The following SEPTIN9 variants were observed in gnomAD, a reference collection of about 807,000 sequenced individuals.
SEPTIN9 encodes septin-9.
In SEPTIN9, 13 loss-of-function variants were observed where a neutral mutation model predicts 56.6. The ratio of observed to expected loss-of-function variants is 0.23; its 90% CI spans 0.15 to 0.37. The LOEUF (loss-of-function observed/expected upper bound fraction) is 0.37. SEPTIN9 is among the 10% of genes least tolerant of loss of function. The probability of loss-of-function intolerance (pLI) is 1.00; values close to 1 mark genes in which losing one functional copy is unlikely to be tolerated. For synonymous variants in SEPTIN9, 332 were observed against 334.1 expected (o/e 0.99, Z 0.07); for missense variants, 650 against 823.1 (o/e 0.79, Z 2.57).
chr17:77,498,955 A>AGTGTGT lies in SEPTIN9; in HGVS notation c.*298_*299insTGTGTG, dbSNP rs1216249175. ...GCCTGGCTCCCCGAGGGCTCAGAAG[A>AGTGTGT]GCAGCTTCGGTGTGCAGATCATCCG... On this transcript the variant is annotated 3_prime_UTR_variant, in exon 12 of 12. Coordinates refer to ENST00000427177, the MANE Select transcript of SEPTIN9 (RefSeq NM_001113491.2). 1.8e-6 allele frequency: 1 copy of AGTGTGT among 551,808 alleles called. No homozygotes were observed. The highest frequency in any genetic ancestry group is 1.5e-5 in the South Asian group (1 of 65,390). The allele number at this position is 551,808 out of a possible 1,614,324, so 34.2% of individuals were successfully genotyped here.
intron 2 of SEPTIN9, among the ~76,000 whole-genome samples, chr17:77,349,461 A>T (rs1156477842): frequency 1.3e-5 from 2 of 152,146 alleles, no homozygotes; most frequent in African/African-American, 2.4e-5. Flanking sequence ...TAGAATTCTG[A>T]GTTGTCAGTT....
At chr17:77,414,572 CTTTTTTTT>C (rs559525322) in intron 3 of SEPTIN9, among the ~76,000 whole-genome samples, 46,640 of 123,590 alleles carry the variant, frequency 0.38, 7,974 homozygotes, top group Middle Eastern at 0.42. Flanking sequence ...TGTGTGGATT[CTTTTTTTT>C]TTTTTTTTTT....
intron 3 of SEPTIN9, among the ~76,000 whole-genome samples, chr17:77,422,922 C>T (rs1439351434): frequency 6.6e-6 from 1 of 152,142 alleles, no homozygotes; most frequent in East Asian, 1.9e-4. Flanking sequence ...TGCTGTAAAC[C>T]CCTCGTCCCC....
intron 3 of SEPTIN9, among the ~76,000 whole-genome samples, chr17:77,422,214 CT>C (rs1213044719): frequency 2.0e-5 from 3 of 152,196 alleles, no homozygotes; most frequent in Admixed American, 6.5e-5. Flanking sequence ...GGGCCTCAGC[CT>C]TATGTGTTCT....
rs2037271143 is a variant in SEPTIN9, at chr17:77,434,591, G to A, written c.721+31888G>A. 6.6e-6 allele frequency among the ~76,000 whole-genome samples: 1 copy of A among 152,184 alleles called. No individual in the cohort carries two copies. The highest frequency in any genetic ancestry group is 2.4e-5 in the African/African-American group (1 of 41,442). ...TGTGGGCTGCAGGTAGTCCCCTGTG[G>A]TTGAAGGTGCCCTGGCAGGACCTGC... On this transcript the variant is annotated intron_variant, in intron 3 of 11. Coordinates refer to ENST00000427177, the MANE Select transcript of SEPTIN9 (RefSeq NM_001113491.2). This position sits in a 1 kb window ranked among gnomAD's most constrained non-coding sequence, Gnocchi z 5.0.
intron 2 of SEPTIN9, among the ~76,000 whole-genome samples, chr17:77,311,230 C>G (rs8068778): frequency 0.67 from 85,075 of 127,586 alleles, 28,271 homozygotes; most frequent in Middle Eastern, 0.81. Flanking sequence ...ACCCCCCCCC[C>G]ACCCCACCCC....
intron 3 of SEPTIN9, among the ~76,000 whole-genome samples, chr17:77,432,324 C>T (rs536763436): frequency 3.7e-4 from 56 of 152,104 alleles, no homozygotes; most frequent in Non-Finnish European, 6.5e-4. Flanking sequence ...TCAGTGCTGC[C>T]GTTGGCATCG....
chr17:77,497,518 C>T (rs960030049), intron 11 of SEPTIN9, 152 bp downstream of exon 11: 5 of 701,554 alleles, frequency 7.1e-6, no homozygotes, highest in Non-Finnish European at 1.3e-5. Flanking sequence ...TCTTGGAAGC[C>T]CATCTTCTGA....
intron 3 of SEPTIN9, among the ~76,000 whole-genome samples, chr17:77,430,956 A>T (rs943498977): frequency 6.6e-6 from 1 of 151,184 alleles, no homozygotes; most frequent in African/African-American, 2.4e-5. Flanking sequence ...GTGCTACTGC[A>T]CTCCAGCCTG....
chr17:77,317,299 G>T lies in SEPTIN9; in HGVS notation c.76+10102G>T, dbSNP rs547571303. On this transcript the variant is annotated intron_variant, in intron 2 of 11. Coordinates refer to ENST00000427177, the MANE Select transcript of SEPTIN9 (RefSeq NM_001113491.2). The surrounding 1 kb of genome is among the most constrained non-coding windows in gnomAD (Gnocchi z 4.2). ...AGCCCTCTGGAGGCTCTAGGGCAGGGGTTCCCAGCCCCGTGTGTCCTATTA... is the reference window on the plus strand; with the variant it reads ...AGCCCTCTGGAGGCTCTAGGGCAGGTGTTCCCAGCCCCGTGTGTCCTATTA... 6.6e-6 allele frequency among the ~76,000 whole-genome samples: 1 copy of T among 152,284 alleles called. No homozygotes were observed. The highest frequency in any genetic ancestry group is 2.4e-5 in the African/African-American group (1 of 41,564).
chr17:77,426,780 T>G (rs1249711101), intron 3 of SEPTIN9, among the ~76,000 whole-genome samples: 1 of 152,186 alleles, frequency 6.6e-6, no homozygotes, highest in East Asian at 1.9e-4. Flanking sequence ...GCCGTTTATT[T>G]GTTCATATGC....
In SEPTIN9 at chr17:77,402,531, A is replaced by G; in HGVS notation, c.549A>G (p.Ala183=). 1 of 1,606,812 alleles carries G rather than the reference A, an allele frequency of 6.2e-7. No homozygotes were observed. The highest frequency in any genetic ancestry group is 8.5e-7 in the Non-Finnish European group (1 of 1,177,180). Residue 183 remains alanine (A), a synonymous_variant, in exon 3 of 12, where the codon GCA becomes GCG. Coordinates refer to ENST00000427177, the MANE Select transcript of SEPTIN9 (RefSeq NM_001113491.2). The surrounding 1 kb of genome is among the most constrained non-coding windows in gnomAD (Gnocchi z 6.6). The part of the protein sequence containing the change: ...PEVPTAPATD[A]APKRVEIQMP... ...TGCCCACTGCCCCTGCCACCGACGC[A>G]GCCCCCAAGAGGGTGGAGATCCAGA... is the stretch of plus-strand genomic sequence containing the variant.
rs748861987 is a variant in SEPTIN9 at position 77,323,230 on chromosome 17, A to G, written c.76+16033A>G. On this transcript the variant is annotated intron_variant, in intron 2 of 11. Coordinates refer to ENST00000427177, the MANE Select transcript of SEPTIN9 (RefSeq NM_001113491.2). This position sits in a 1 kb window ranked among gnomAD's most constrained non-coding sequence, Gnocchi z 6.8. The stretch of plus-strand genomic sequence containing the variant: ...CTGGGAAGGTGCTGGAGGGTTTGTC[A>G]GCAGGGCCGGCATGAGTCATGGAGT... 1.2e-4 allele frequency among the ~76,000 whole-genome samples: 18 copies of G among 151,998 alleles called. No homozygotes were observed. Among genetic ancestry groups the G allele is most frequent in the Non-Finnish European group, 2.4e-4 (16 of 67,992 alleles).
At chr17:77,401,673 G>C (rs1217986718) in intron 2 of SEPTIN9, among the ~76,000 whole-genome samples, 2 of 151,822 alleles carry the variant, frequency 1.3e-5, no homozygotes, top group Admixed American at 6.6e-5. Flanking sequence ...TTGAACCCGG[G>C]AGGTGCCGCT....
At chr17:77,441,785 G>A (rs1458747063) in intron 3 of SEPTIN9, among the ~76,000 whole-genome samples, 1 of 152,316 alleles carries the variant, frequency 6.6e-6, no homozygotes. Context: ...TGCCACTTCC[G>A]TTTCTTTCCT....
Position 77,367,652 on chromosome 17 carries a change from C to G in SEPTIN9, c.77-34407C>G, listed in dbSNP as rs1336612898. ...CCAACACGGTGAAACCCCATCTCTA[C>G]TAAAAAAACAAAAATTAGCCGGGCA... On this transcript the variant is annotated intron_variant, in intron 2 of 11. Coordinates refer to ENST00000427177, the MANE Select transcript of SEPTIN9 (RefSeq NM_001113491.2). The surrounding 1 kb of genome is among the most constrained non-coding windows in gnomAD (Gnocchi z 4.5). Among the ~76,000 whole-genome samples the G allele has an allele frequency of 6.6e-6, 1 of 151,820 alleles. No homozygotes were observed. The highest frequency in any genetic ancestry group is 1.5e-5 in the Non-Finnish European group (1 of 67,968).
At chr17:77,291,949 C>T (rs1430759888) in intron 1 of SEPTIN9, among the ~76,000 whole-genome samples, 2 of 152,156 alleles carry the variant, frequency 1.3e-5, no homozygotes, top group Non-Finnish European at 2.9e-5. Flanking sequence ...AACAGAATGC[C>T]GTTTGCCCTC....
Position 77,477,339 on chromosome 17 carries a change from A to G in SEPTIN9, c.722-4805A>G, listed in dbSNP as rs149192293. Among the ~76,000 whole-genome samples, 495 of 152,170 alleles carry G rather than the reference A, an allele frequency of 3.3e-3. 6 individuals are homozygous for G. Among genetic ancestry groups the G allele is most frequent in the Middle Eastern group, 0.01 (3 of 294 alleles). On this transcript the variant is annotated intron_variant, in intron 3 of 11. Transcript: ENST00000427177. ...CTCCCCCAGCCCCTGGAAATCACCA[A>G]TCTGCGCTTTGTCCCTACAGATGTA...
chr17:77,341,745 A>C (rs766092986), intron 2 of SEPTIN9, among the ~76,000 whole-genome samples: 76 of 140,648 alleles, frequency 5.4e-4, no homozygotes, highest in Non-Finnish European at 8.9e-4. Flanking sequence ...ACTGCACTCC[A>C]CTGCACTCCA....
Sources: gnomAD v4.1 joint callset for allele counts (sites outside exome capture counted in the v4.1 genomes callset) on GRCh38, gnomAD v4.1.1 for gene constraint, Gnocchi (gnomAD v3.1) non-coding constraint, MANE v1.5 for transcripts, NCBI Gene and HGNC (gene_info 2026-07-23, HGNC 2026-07-21) for gene names.